SHC4: variants seen among roughly 807,000 people sequenced by gnomAD.
The protein encoded by SHC4 is SHC adaptor protein 4.
SHC4 carries 41 observed loss-of-function variants against 69.4 expected under a neutral mutation model. That is an observed-to-expected ratio of 0.59 (90% CI 0.46 to 0.77). SHC4 has a LOEUF of 0.77. Among genes scored for constraint, SHC4 ranks in the 30% least tolerant of loss-of-function variants. SHC4 has a pLI of 0.00. For missense variants in SHC4, 777 were observed against 783.8 expected, an observed-to-expected ratio of 0.99 and a Z score of 0.10; for synonymous variants, 318 against 299.3, an observed-to-expected ratio of 1.06 and a Z score of -0.64.
At chr15:48,936,189 A>G (rs577980320) in intron 1 of SHC4, among the ~76,000 whole-genome samples, 2 of 152,288 alleles carry the variant, frequency 1.3e-5, no homozygotes, top group African/African-American at 2.4e-5. Flanking sequence ...ATTTTTGCTG[A>G]AAACTCCTCC....
chr15:48,913,420 G>A (rs1225381100), intron 2 of SHC4, among the ~76,000 whole-genome samples: 1 of 151,990 alleles, frequency 6.6e-6, no homozygotes, highest in Non-Finnish European at 1.5e-5. Context: ...CATGCAAACC[G>A]AAGGTCCGGT....
intron 1 of SHC4, among the ~76,000 whole-genome samples, chr15:48,929,394 G>A (rs10519201): frequency 1.3e-5 from 2 of 152,238 alleles, no homozygotes; most frequent in Admixed American, 1.3e-4. Context: ...ACCATGAAAA[G>A]AGATGACCTA....
At chr15:48,887,496 G>T (rs1426839987) in intron 3 of SHC4, among the ~76,000 whole-genome samples, 2 of 152,156 alleles carry the variant, frequency 1.3e-5, no homozygotes, top group East Asian at 1.9e-4. Flanking sequence ...CTTATGGGAT[G>T]CAGTGAAAAC....
At chr15:48,835,436 T>C (rs2140967776) in intron 10 of SHC4, among the ~76,000 whole-genome samples, 1 of 152,356 alleles carries the variant, frequency 6.6e-6, no homozygotes, top group African/African-American at 2.4e-5. Context: ...ATAGCTATAA[T>C]AACTTCAGGC....
At chr15:48,908,901 G>A (rs975829476) in intron 2 of SHC4, among the ~76,000 whole-genome samples, 1 of 152,148 alleles carries the variant, frequency 6.6e-6, no homozygotes, top group African/African-American at 2.4e-5. Flanking sequence ...TGTTCCGTTG[G>A]TGTATGTGCC....
chr15:48,844,171 G>A (rs2140973954), intron 9 of SHC4, among the ~76,000 whole-genome samples: 1 of 152,312 alleles, frequency 6.6e-6, no homozygotes, highest in East Asian at 1.9e-4. Context: ...ACCAATTGCT[G>A]ATGTTTAATT....
At chr15:48,941,203 G>A (rs991206689) in intron 1 of SHC4, among the ~76,000 whole-genome samples, 3 of 152,174 alleles carry the variant, frequency 2.0e-5, no homozygotes, top group African/African-American at 7.2e-5. Context: ...GTATAAGACA[G>A]CAGCAGTCAA....
intron 1 of SHC4, among the ~76,000 whole-genome samples, chr15:48,943,281 AC>A (rs1358098552): frequency 2.0e-5 from 3 of 151,906 alleles, no homozygotes; most frequent in African/African-American, 7.3e-5. Flanking sequence ...GGCCCTTGTA[AC>A]CCCTGTTCTA....
chr15:48,963,559 T>A lies in SHC4; in HGVS notation c.-544A>T, dbSNP rs1213016578. 2 of 152,952 alleles carry A rather than the reference T, an allele frequency of 1.3e-5. No individual in the cohort carries two copies. Among genetic ancestry groups the A allele is most frequent in the East Asian group, 3.9e-4 (2 of 5,190 alleles). The allele number at this position is 152,952 out of a possible 1,614,324, so 9.5% of individuals were successfully genotyped here. A position where few individuals can be genotyped will look rare whatever the true frequency, so the allele number is the denominator to read the frequency against. On this transcript the variant is annotated 5_prime_UTR_variant, in exon 1 of 12. Transcript: ENST00000332408. ...TGTTCATTTAAAAAGGAAAAAAAAA[T>A]GTATCTATGAACCAAAGGCCCTTTT...
intron 1 of SHC4, among the ~76,000 whole-genome samples, chr15:48,928,260 A>G (rs11854358): frequency 0.59 from 89,914 of 151,998 alleles, 26,995 homozygotes; most frequent in East Asian, 0.74. Flanking sequence ...GCAACACACA[A>G]CCTAGACCGA....
At chr15:48,847,688 T>C (rs1899118244) in intron 9 of SHC4, among the ~76,000 whole-genome samples, 1 of 152,172 alleles carries the variant, frequency 6.6e-6, no homozygotes, top group South Asian at 2.1e-4. Context: ...TGGTCAAGAA[T>C]TTCGGATTAC....
chr15:48,922,692 T>C (rs1410664115), intron 2 of SHC4, among the ~76,000 whole-genome samples: 4 of 152,210 alleles, frequency 2.6e-5, no homozygotes, highest in Admixed American at 2.0e-4. Context: ...AGACCATAGC[T>C]CTCAGGTTAG....
intron 2 of SHC4, among the ~76,000 whole-genome samples, chr15:48,917,366 A>G (rs1474074505): frequency 2.6e-5 from 4 of 152,072 alleles, no homozygotes; most frequent in African/African-American, 9.7e-5. Context: ...TTTTAAAAAC[A>G]TAAGGAATAC....
At chr15:48,914,431 C>A (rs62010881) in intron 2 of SHC4, among the ~76,000 whole-genome samples, 2 of 152,170 alleles carry the variant, frequency 1.3e-5, no homozygotes, top group African/African-American at 4.8e-5. Flanking sequence ...TTTGCGGTTG[C>A]AGAAGCTCTG....
intron 1 of SHC4, among the ~76,000 whole-genome samples, chr15:48,933,396 G>A (rs1901008021): frequency 6.6e-6 from 1 of 152,104 alleles, no homozygotes; most frequent in Middle Eastern, 3.2e-3. Flanking sequence ...TTTGAAAACT[G>A]AAAAACATTG....
intron 11 of SHC4, among the ~76,000 whole-genome samples, chr15:48,830,604 AAAG>A (rs1485191604): frequency 9.9e-5 from 15 of 152,216 alleles, no homozygotes; most frequent in South Asian, 2.1e-4. Context: ...AGGCAAAGAA[AAAG>A]AAGAAGAACC....
rs1901581529 is a variant in SHC4, at chr15:48,963,441, T to G, written c.-426A>C. ...CTCCCACCCTCACCCCAGCCTTCTG[T>G]TCTGCACACAGGAACTTTCGAACCT... On this transcript the variant is annotated 5_prime_UTR_variant, in exon 1 of 12. Transcript: ENST00000332408. The G allele has an allele frequency of 5.5e-6, 1 of 182,716 alleles. No homozygotes were observed. Among genetic ancestry groups the G allele is most frequent in the African/African-American group, 2.4e-5 (1 of 42,432 alleles). 11.3% of individuals were successfully genotyped at this position (182,716 alleles called of 1,614,324 possible). A position where few individuals can be genotyped will look rare whatever the true frequency, so the allele number is the denominator to read the frequency against.
intron 11 of SHC4, 79 bp from the exon 12 acceptor site, chr15:48,826,205 GC>G: frequency 7.4e-7 from 1 of 1,348,518 alleles, no homozygotes; most frequent in Non-Finnish European, 1.0e-6. Context: ...GGGGGAAAAT[GC>G]CAGATATATC....
chr15:48,960,336 G>A (rs570098405), intron 1 of SHC4, among the ~76,000 whole-genome samples: 2 of 152,242 alleles, frequency 1.3e-5, no homozygotes, highest in East Asian at 3.9e-4. Context: ...GGATGTGTAG[G>A]TGATGGTAAG....
Sources: allele counts gnomAD v4.1 joint callset (sites outside exome capture counted in the v4.1 genomes callset), GRCh38; gene constraint gnomAD v4.1.1; transcripts MANE v1.5; gene names NCBI Gene and HGNC (gene_info 2026-07-23, HGNC 2026-07-21).